VPS41: variants seen among roughly 807,000 people sequenced by gnomAD.
VPS41 encodes the protein vacuolar protein sorting-associated protein 41 homolog.
Under a neutral mutation model 130.9 loss-of-function variants are expected in VPS41, and 85 were observed. The observed-to-expected ratio is 0.65, with a 90% CI of 0.55 to 0.78. VPS41 has a LOEUF of 0.78. VPS41 is among the 30% of genes least tolerant of loss of function. The pLI, the probability that VPS41 is intolerant of heterozygous loss-of-function variation, is 0.00. For synonymous variants in VPS41, 335 were observed against 332.9 expected (o/e 1.01, Z -0.07); for missense variants, 874 against 1,018.7 (o/e 0.86, Z 1.93).
chr7:38,818,075 C>G (rs1785094922), intron 6 of VPS41, among the ~76,000 whole-genome samples, 193 bp from the exon 7 acceptor site: 1 of 152,168 alleles, frequency 6.6e-6, no homozygotes, highest in Non-Finnish European at 1.5e-5. Flanking sequence ...GATTTCTTCT[C>G]TGAAGCCAGG....
At chr7:38,741,299 T>C (rs1584367190) in intron 25 of VPS41, 1 of 329,228 alleles carries the variant, frequency 3.0e-6, no homozygotes, top group Non-Finnish European at 6.1e-6. Context: ...TTTAAGGAAA[T>C]GTTTTAATTC....
intron 4 of VPS41, among the ~76,000 whole-genome samples, chr7:38,839,343 T>C (rs1221553651): frequency 1.3e-5 from 2 of 152,266 alleles, no homozygotes; most frequent in Admixed American, 6.5e-5. Flanking sequence ...GCAGGTTTTC[T>C]ATACATCTAC....
rs774187927 is a variant in VPS41, at chr7:38,830,297, T to C, written c.278A>G (p.Asp93Gly). The change falls in exon 5 of 29, where the codon GAT (aspartate) becomes GGT (glycine). Residue 93 changes from aspartate (D) to glycine (G), a missense_variant. Coordinates refer to ENST00000310301, the MANE Select transcript of VPS41 (RefSeq NM_014396.4). ...SPVKINQISLDESGEHMGVCS... is the reference protein window; with the variant it reads ...SPVKINQISLGESGEHMGVCS... ...CACACCCATGTGCTCTCCACTTTCA[T>C]CCAAGCTAATCTGATTTATCTTCAC... is the stretch of plus-strand genomic sequence containing the variant. 1.2e-6 allele frequency: 2 copies of C among 1,613,038 alleles called. No individual in the cohort carries two copies. The highest frequency in any genetic ancestry group is 1.1e-5 in the South Asian group (1 of 91,060).
Position 38,898,149 on chromosome 7 carries a change from A to G in VPS41, c.22-20T>C, listed in dbSNP as rs1787053444. The G allele has an allele frequency of 1.2e-6, 2 of 1,606,678 alleles. No homozygotes were observed. The highest frequency in any genetic ancestry group is 1.7e-6 in the Non-Finnish European group (2 of 1,173,420). On this transcript the variant is annotated intron_variant, in intron 1 of 28. Coordinates refer to ENST00000310301, the MANE Select transcript of VPS41 (RefSeq NM_014396.4). ...AGTTTCCTATAAAGCATAGAAAAAGAAAATGGTCAGAAGAGATGATAAAAG... is the reference window on the plus strand; with the variant it reads ...AGTTTCCTATAAAGCATAGAAAAAGGAAATGGTCAGAAGAGATGATAAAAG...
chr7:38,901,586 T>C (rs754646291), intron 1 of VPS41, among the ~76,000 whole-genome samples: 1 of 152,216 alleles, frequency 6.6e-6, no homozygotes, highest in Non-Finnish European at 1.5e-5. Context: ...ATTTCAAGGA[T>C]GGGACCAAGC....
At chr7:38,862,101 TC>T (rs1786127561) in intron 4 of VPS41, among the ~76,000 whole-genome samples, 1 of 152,134 alleles carries the variant, frequency 6.6e-6, no homozygotes. Context: ...TCCACAAACT[TC>T]CAGAGTATGT....
chr7:38,909,112 C>A lies in VPS41; in HGVS notation c.21+42G>T, dbSNP rs201373461. On this transcript the variant is annotated intron_variant, in intron 1 of 28. Transcript: ENST00000310301. Reference sequence around the variant, plus strand: ...CCCTCCCCAAACAGCCCACCCTAGTCTCTATATCCCTGTGCCCTCAACTAC... The same window carrying A: ...CCCTCCCCAAACAGCCCACCCTAGTATCTATATCCCTGTGCCCTCAACTAC... 10 of 1,612,810 alleles carry A rather than the reference C, an allele frequency of 6.2e-6. No homozygotes were observed. In the South Asian group the frequency reaches 1.1e-4, roughly 18 times the overall value.
intron 2 of VPS41, among the ~76,000 whole-genome samples, chr7:38,894,696 G>A (rs1308960963): frequency 1.3e-5 from 2 of 152,126 alleles, no homozygotes; most frequent in Non-Finnish European, 2.9e-5. Context: ...GAATACAGGA[G>A]GTAAGTGCTA....
intron 1 of VPS41, 33 bp from the exon 2 acceptor site, chr7:38,898,162 G>A: frequency 1.3e-6 from 2 of 1,586,894 alleles, no homozygotes; most frequent in South Asian, 1.1e-5. Context: ...ATGGTCAGAA[G>A]AGATGATAAA....
chr7:38,873,372 T>G (rs1786414105), intron 2 of VPS41, among the ~76,000 whole-genome samples: 1 of 151,982 alleles, frequency 6.6e-6, no homozygotes, highest in Non-Finnish European at 1.5e-5. Context: ...TGCTGCTGAC[T>G]CTATATCACA....
chr7:38,893,050 C>A (rs978679551), intron 2 of VPS41, among the ~76,000 whole-genome samples: 2 of 152,146 alleles, frequency 1.3e-5, no homozygotes, highest in Admixed American at 1.3e-4. Flanking sequence ...CCTTCCAGTT[C>A]ATCTGTCACC....
intron 9 of VPS41, among the ~76,000 whole-genome samples, chr7:38,791,395 A>T (rs373942398): frequency 6.6e-6 from 1 of 152,206 alleles, no homozygotes; most frequent in African/African-American, 2.4e-5. Flanking sequence ...AATATTAGTG[A>T]ACACTTTTTT....
intron 10 of VPS41, among the ~76,000 whole-genome samples, chr7:38,784,238 A>G (rs11971030): frequency 0.12 from 18,106 of 152,262 alleles, 1,779 homozygotes; most frequent in African/African-American, 0.27. Context: ...TAGAGAGGGA[A>G]GGAGGCTCAG....
intron 15 of VPS41, 53 bp downstream of exon 15, chr7:38,767,484 C>A: frequency 7.9e-7 from 1 of 1,260,430 alleles, no homozygotes; most frequent in South Asian, 1.4e-5. Context: ...TTACTGTTAG[C>A]AATGCTCAAT....
At chr7:38,733,428 C>A (rs1795706336) in intron 25 of VPS41, among the ~76,000 whole-genome samples, 1 of 152,156 alleles carries the variant, frequency 6.6e-6, no homozygotes, top group African/African-American at 2.4e-5. Flanking sequence ...TTTTCTTAAA[C>A]TTTATGGAAT....
At chr7:38,853,397 C>A (rs187282122) in intron 4 of VPS41, among the ~76,000 whole-genome samples, 363 of 118,502 alleles carry the variant, frequency 3.1e-3, no homozygotes, top group Middle Eastern at 7.7e-3. Flanking sequence ...CCAGCCTGGG[C>A]GACAGAGCGA....
At chr7:38,769,990 C>T (rs1467363699) in intron 14 of VPS41, among the ~76,000 whole-genome samples, 1 of 152,196 alleles carries the variant, frequency 6.6e-6, no homozygotes, top group Non-Finnish European at 1.5e-5. Context: ...CCCTCAACTG[C>T]TGTGTGCAGT....
chr7:38,804,692 C>A (rs1418451185), intron 7 of VPS41, among the ~76,000 whole-genome samples: 3 of 152,228 alleles, frequency 2.0e-5, no homozygotes, highest in Non-Finnish European at 4.4e-5. Context: ...AAAGATCTAC[C>A]TACCCACCTA....
Position 38,739,454 on chromosome 7 carries a change from T to C in VPS41, c.2259+2531A>G, listed in dbSNP as rs17171454. ...AATCCTTCTGGAAATTGCAAAATGC[T>C]CTCTGGATAGATTTATTTTTACAGT... is the stretch of plus-strand genomic sequence containing the variant. On this transcript the variant is annotated intron_variant, in intron 25 of 28. Coordinates refer to ENST00000310301, the MANE Select transcript of VPS41 (RefSeq NM_014396.4). 1.5e-3 allele frequency among the ~76,000 whole-genome samples: 232 copies of C among 152,324 alleles called. 3 individuals carry two copies. The highest frequency in any genetic ancestry group is 5.3e-3 in the African/African-American group (219 of 41,572).
Sources: allele counts gnomAD v4.1 joint callset (sites outside exome capture counted in the v4.1 genomes callset), GRCh38; gene constraint gnomAD v4.1.1; transcripts MANE v1.5; gene names NCBI Gene and HGNC (gene_info 2026-07-23, HGNC 2026-07-21).